The following HERC6 variants were observed in gnomAD, a reference collection of about 807,000 sequenced individuals.
HERC6 encodes the protein probable E3 ubiquitin-protein ligase HERC6.
A neutral mutation model predicts 114.5 loss-of-function variants in HERC6; 101 were observed. The observed-to-expected ratio is 0.88, with a 90% CI of 0.75 to 1.04. The LOEUF (loss-of-function observed/expected upper bound fraction) is 1.04. Among genes scored for constraint, HERC6 ranks in the 50% least tolerant of loss-of-function variants. The probability of loss-of-function intolerance (pLI) is 0.00; values close to 1 mark genes in which losing one functional copy is unlikely to be tolerated. For synonymous variants in HERC6, 408 were observed against 436.2 expected (o/e 0.94, Z 0.81); for missense variants, 1,133 against 1,230.9 (o/e 0.92, Z 1.19).
intron 1 of HERC6, 32 bp downstream of exon 1, chr4:88,379,152 G>C (rs1463635015): frequency 1.3e-6 from 2 of 1,505,738 alleles, no homozygotes; most frequent in Admixed American, 2.0e-5. Context: ...CAGGGTGTGA[G>C]GACCCCAGTA....
rs768744120 is a variant in HERC6, at chr4:88,413,228, CTG to C, written c.1527_1528del (p.Cys509Ter). The C allele has an allele frequency of 2.5e-6, 4 of 1,613,090 alleles. No individual in the cohort carries two copies. The highest frequency in any genetic ancestry group is 3.4e-6 in the Non-Finnish European group (4 of 1,179,532). On this transcript the variant is annotated frameshift_variant, in exon 12 of 23. Coordinates refer to ENST00000264346, the MANE Select transcript of HERC6 (RefSeq NM_017912.4). LOFTEE classifies it high-confidence loss of function. ...AACCTGGTGGTTCCATTTGCAAAGG[CTG>C]TGTGTGAAATGAGTAAACAATCTTT...
intron 3 of HERC6, among the ~76,000 whole-genome samples, chr4:88,389,387 G>A (rs559539379): frequency 6.6e-6 from 1 of 152,266 alleles, no homozygotes; most frequent in East Asian, 1.9e-4. Flanking sequence ...ACTGATGGGG[G>A]CAAAGGTTGC....
intron 10 of HERC6, 57 bp downstream of exon 10, chr4:88,405,670 A>T: frequency 3.2e-6 from 3 of 950,526 alleles, no homozygotes; most frequent in Non-Finnish European, 4.6e-6. Flanking sequence ...TTTAAAATGA[A>T]ATGTTTCAAG....
At position 88,379,019 on chromosome 4, in the gene HERC6, G is replaced by A; in HGVS notation, c.98G>A (p.Arg33His). Residue 33 changes from arginine (R) to histidine (H), a missense_variant, in exon 1 of 23, where the codon CGC (arginine) becomes CAC (histidine). Around this residue, in one of 3 missense-constraint regions of HERC6, gnomAD observed 735 missense variants for 754.0 expected, o/e 0.97. Transcript: ENST00000264346. ...AELLQAASGE[R>H]HSLLLLTNHR... ...CTACTGCAGGCGGCCAGCGGGGAGC[G>A]CCACTCTCTGCTGCTGCTGACCAAC... 6.4e-7 allele frequency: 1 copy of A among 1,568,612 alleles called. No individual in the cohort carries two copies. Among genetic ancestry groups the A allele is most frequent in the Non-Finnish European group, 8.6e-7 (1 of 1,158,624 alleles).
chr4:88,412,927 TG>T, intron 11 of HERC6, 149 bp from the exon 12 acceptor site: 1 of 602,526 alleles, frequency 1.7e-6, no homozygotes, highest in Non-Finnish European at 2.9e-6. Flanking sequence ...GAAGGAGTGA[TG>T]GAGTCTCATC....
chr4:88,397,786 A>G (rs1735325573), intron 7 of HERC6, among the ~76,000 whole-genome samples: 1 of 152,152 alleles, frequency 6.6e-6, no homozygotes, highest in Non-Finnish European at 1.5e-5. Context: ...CTTTTTTTCC[A>G]TAAAGTGAAA....
intron 1 of HERC6, among the ~76,000 whole-genome samples, chr4:88,381,025 T>A (rs1734287948): frequency 6.6e-6 from 1 of 152,192 alleles, no homozygotes; most frequent in South Asian, 2.1e-4. Context: ...TGTTTTAAAT[T>A]GCTGCATAAC....
Position 88,417,471 on chromosome 4 carries a change from C to T in HERC6, c.1605C>T (p.Ile535=). The T allele has an allele frequency of 1.2e-6, 2 of 1,611,164 alleles. No homozygotes were observed. The highest frequency in any genetic ancestry group is 1.1e-5 in the South Asian group (1 of 90,468). Residue 535 remains isoleucine (I), a synonymous_variant, in exon 13 of 23, where the codon ATC becomes ATT. Transcript: ENST00000264346. ...FLQESSLNPL[I]QMLKAAIISQ... ...AAGAATCTTCTCTGAATCCGCTGATCCAGATGCTTAAAGCAGCCATCATCT... is the reference window on the plus strand; with the variant it reads ...AAGAATCTTCTCTGAATCCGCTGATTCAGATGCTTAAAGCAGCCATCATCT...
In HERC6 at chr4:88,408,217, T is replaced by C. The variant is rs894704590; in HGVS notation, c.1275-307T>C. ...GGGGGTAGGTAGTTCTAGTTCTTAG[T>C]GTGCAAACTGAGTGCGGGGGCAGAT... On this transcript the variant is annotated intron_variant, in intron 10 of 22. Coordinates refer to ENST00000264346, the MANE Select transcript of HERC6 (RefSeq NM_017912.4). 7.4e-4 allele frequency among the ~76,000 whole-genome samples: 112 copies of C among 152,264 alleles called. 1 individual carries two copies. Among genetic ancestry groups the C allele is most frequent in the Non-Finnish European group, 2.8e-4 (19 of 68,016 alleles).
chr4:88,383,359 A>G lies in HERC6; in HGVS notation c.338A>G (p.Lys113Arg). ...GGGCAGCTGGGGATTGGAGAATTCA[A>G]GGAAATAAGTTTCACACCTAAGTAA... ...SEGQLGIGEF[K>R]EISFTPKKIM... The change falls in exon 2 of 23, where the codon AAG becomes AGG. Residue 113 changes from lysine (K) to arginine (R), a missense_variant. By Grantham distance (26) the Lys-to-Arg change is conservative. This residue lies in a region of HERC6 where 735 missense variants were observed against 754.0 expected (regional missense o/e 0.97). Coordinates refer to ENST00000264346, the MANE Select transcript of HERC6 (RefSeq NM_017912.4). 2.0e-6 allele frequency: 3 copies of G among 1,511,690 alleles called. No homozygotes were observed. The highest frequency in any genetic ancestry group is 2.6e-6 in the Non-Finnish European group (3 of 1,132,128). The allele number at this position is 1,511,690 out of a possible 1,614,324, so 93.6% of individuals were successfully genotyped here.
Position 88,385,562 on chromosome 4 carries a change from G to A in HERC6, c.423G>A (p.Leu141=), listed in dbSNP as rs780201238. 19 of 1,498,446 alleles carry A rather than the reference G, an allele frequency of 1.3e-5. No homozygotes were observed. The Admixed American group carries it at 3.4e-4, about 27-fold the overall frequency. 92.8% of individuals were successfully genotyped at this position (1,498,446 alleles called of 1,614,324 possible). Residue 141 remains leucine (L), a synonymous_variant, in exon 3 of 23, where the codon CTG becomes CTA. Transcript: ENST00000264346. ...IQVSCGHYHS[L]ALSKDSQVFS... ...TTTCCTGTGGACACTACCACTCCCT[G>A]GCATTATCAAAAGGTAAGAAACACT...
intron 1 of HERC6, among the ~76,000 whole-genome samples, chr4:88,382,546 T>A (rs1578365368): frequency 6.6e-6 from 1 of 152,170 alleles, no homozygotes; most frequent in Admixed American, 6.5e-5. Context: ...GAGAAACATT[T>A]GGTCATGTGT....
intron 4 of HERC6, among the ~76,000 whole-genome samples, chr4:88,392,477 A>G (rs1239798762): frequency 2.0e-5 from 3 of 152,112 alleles, no homozygotes; most frequent in African/African-American, 4.8e-5. Flanking sequence ...GGTGTGAGAC[A>G]CCATGCCTGA....
intron 1 of HERC6, among the ~76,000 whole-genome samples, chr4:88,380,317 A>T (rs866842777): frequency 1.2e-4 from 1 of 8,482 alleles, no homozygotes; most frequent in East Asian, 2.5e-3. Flanking sequence ...ATAATATATA[A>T]ATATATATAT....
intron 22 of HERC6, among the ~76,000 whole-genome samples, chr4:88,441,995 T>G (rs138535271): frequency 1.3e-5 from 2 of 152,192 alleles, no homozygotes; most frequent in Non-Finnish European, 2.9e-5. Flanking sequence ...ATGAGCTAAA[T>G]AAACTTCCTT....
At chr4:88,408,707 A>G (rs1423992923) in intron 11 of HERC6, 90 bp downstream of exon 11, 1 of 873,788 alleles carries the variant, frequency 1.1e-6, no homozygotes, top group African/African-American at 1.7e-5. Context: ...CTATGATTGT[A>G]ATTGCCCGAT....
Position 88,435,856 on chromosome 4 carries a change from G to T in HERC6, c.2382G>T (p.Leu794Phe). 2 of 1,609,034 alleles carry T rather than the reference G, an allele frequency of 1.2e-6. No individual in the cohort carries two copies. Among genetic ancestry groups the T allele is most frequent in the Non-Finnish European group, 1.7e-6 (2 of 1,177,838 alleles). Residue 794 changes from leucine to phenylalanine, a missense_variant, in exon 18 of 23, where the codon TTG becomes TTT. This residue lies in a region of HERC6 where 388 missense variants were observed against 445.9 expected (regional missense o/e 0.87). Coordinates refer to ENST00000264346, the MANE Select transcript of HERC6 (RefSeq NM_017912.4). Reference protein sequence around the residue: ...YKKLLDQKPSLEDLKELSPRL... With the variant: ...YKKLLDQKPSFEDLKELSPRL... ...AACTTCTGGACCAAAAGCCATCATTGGAAGATTTAAAAGAACTCAGTCCTC... is the reference window on the plus strand; with the variant it reads ...AACTTCTGGACCAAAAGCCATCATTTGAAGATTTAAAAGAACTCAGTCCTC...
intron 17 of HERC6, 149 bp downstream of exon 17, chr4:88,431,454 G>T: frequency 2.2e-6 from 2 of 906,288 alleles, no homozygotes; most frequent in South Asian, 4.3e-5. Context: ...TCACAGAGCA[G>T]CAGCTATGGC....
chr4:88,405,524 G>A, intron 9 of HERC6, 30 bp from the exon 10 acceptor site: 2 of 1,331,828 alleles, frequency 1.5e-6, no homozygotes, highest in Non-Finnish European at 2.1e-6. Flanking sequence ...ATTATATGTT[G>A]TGACTTACCC....
Sources: gnomAD v4.1 joint callset for allele counts (sites outside exome capture counted in the v4.1 genomes callset) on GRCh38, gnomAD v4.1.1 for gene constraint, gnomAD v4.1.1 regional missense constraint, MANE v1.5 for transcripts, NCBI Gene and HGNC (gene_info 2026-07-23, HGNC 2026-07-21) for gene names.